PPFIA2: variants seen among roughly 807,000 people sequenced by gnomAD.
The protein encoded by PPFIA2 is liprin-alpha-2.
PPFIA2 carries 46 observed loss-of-function variants against 175.5 expected under a neutral mutation model. The observed-to-expected ratio is 0.26, with a 90% CI of 0.21 to 0.34. The LOEUF (loss-of-function observed/expected upper bound fraction) is 0.34. Ranked by LOEUF, PPFIA2 falls within the 10% of genes least tolerant of loss-of-function variation. The pLI, the probability that PPFIA2 is intolerant of heterozygous loss-of-function variation, is 1.00. For missense variants in PPFIA2, 1,179 were observed against 1,506.1 expected (o/e 0.78, Z 3.60); for synonymous variants, 568 against 511.4 (o/e 1.11, Z -1.49).
rs189061090 is a variant in PPFIA2 at position 81,674,082 on chromosome 12, C to T, written c.303+2709G>A. On this transcript the variant is annotated intron_variant, in intron 4 of 32. Transcript: ENST00000549396. ...ATATATGCCTTACCATTTGAAATAACAAACTTCACTCTTTTTTCTAATGCT... is the reference window on the plus strand; with the variant it reads ...ATATATGCCTTACCATTTGAAATAATAAACTTCACTCTTTTTTCTAATGCT... 1.7e-4 allele frequency among the ~76,000 whole-genome samples: 26 copies of T among 152,096 alleles called. No individual in the cohort carries two copies. The East Asian group carries it at 3.5e-3, about 20-fold the overall frequency.
chr12:81,659,513 G>A (rs920569314), intron 4 of PPFIA2, among the ~76,000 whole-genome samples: 9 of 152,050 alleles, frequency 5.9e-5, no homozygotes, highest in African/African-American at 7.2e-5. Flanking sequence ...GGAGAGGGGC[G>A]CCCGCCATTG....
intron 7 of PPFIA2, 135 bp downstream of exon 7, chr12:81,439,837 A>C (rs1169203926): frequency 2.6e-6 from 2 of 773,132 alleles, no homozygotes; most frequent in African/African-American, 3.7e-5. Context: ...AACTAATTTC[A>C]ACAAGCCTTG....
intron 3 of PPFIA2, among the ~76,000 whole-genome samples, chr12:81,740,179 T>G (rs1168524320): frequency 6.6e-6 from 1 of 152,162 alleles, no homozygotes; most frequent in Non-Finnish European, 1.5e-5. Flanking sequence ...TCAATAAATT[T>G]AATCATATTT....
chr12:81,366,764 G>A (rs73354672), intron 14 of PPFIA2, among the ~76,000 whole-genome samples: 4,532 of 151,614 alleles, frequency 0.03, 213 homozygotes, highest in African/African-American at 0.1. Flanking sequence ...ATAAATTAGC[G>A]CATATATTTT....
At position 81,728,381 on chromosome 12, in the gene PPFIA2, TC is replaced by T. The variant is rs557216278; in HGVS notation, c.249+25591del. Among the ~76,000 whole-genome samples the T allele has an allele frequency of 4.8e-4, 73 of 151,578 alleles. 1 individual carries two copies. The highest frequency in any genetic ancestry group is 6.8e-3 in the Middle Eastern group (2 of 294). ...CAATATAAACACAAAGTAAAAATCT[TC>T]CTTCCCCAAACATCTTTATGCTCAG... On this transcript the variant is annotated intron_variant, in intron 3 of 32. Transcript: ENST00000549396.
chr12:81,541,671 TA>T lies in PPFIA2; in HGVS notation c.304-83806del, dbSNP rs138086779. 4.9e-3 allele frequency among the ~76,000 whole-genome samples: 742 copies of T among 151,924 alleles called. 5 individuals are homozygous for T. The highest frequency in any genetic ancestry group is 7.5e-3 in the Non-Finnish European group (510 of 67,912). ...TAGACAAATTATGTCTTTAAAGCAA[TA>T]AAAAAAACCCTGCTAATAGTTCCTT... On this transcript the variant is annotated intron_variant, in intron 4 of 32. Coordinates refer to ENST00000549396, the MANE Select transcript of PPFIA2 (RefSeq NM_003625.5).
At chr12:81,731,538 T>C (rs908744320) in intron 3 of PPFIA2, among the ~76,000 whole-genome samples, 1 of 151,786 alleles carries the variant, frequency 6.6e-6, no homozygotes, top group Admixed American at 6.6e-5. Context: ...TGTGCTTATA[T>C]CTCACCATAA....
intron 4 of PPFIA2, among the ~76,000 whole-genome samples, chr12:81,637,966 C>T (rs1480607530): frequency 6.6e-6 from 1 of 152,100 alleles, no homozygotes; most frequent in East Asian, 1.9e-4. Context: ...TACTCCCTTT[C>T]CACGAGCTAT....
chr12:81,343,416 G>A (rs765151983), intron 19 of PPFIA2, among the ~76,000 whole-genome samples: 2 of 152,046 alleles, frequency 1.3e-5, no homozygotes, highest in Non-Finnish European at 2.9e-5. Context: ...AGAATGAACT[G>A]GTAGTGTTAA....
At chr12:81,716,440 T>C (rs1450015122) in intron 3 of PPFIA2, among the ~76,000 whole-genome samples, 2 of 151,586 alleles carry the variant, frequency 1.3e-5, no homozygotes, top group African/African-American at 4.8e-5. Flanking sequence ...AAACAGTCCA[T>C]AAAATTTGCA....
intron 14 of PPFIA2, among the ~76,000 whole-genome samples, chr12:81,363,581 T>A (rs1459736977): frequency 6.6e-6 from 1 of 151,802 alleles, no homozygotes; most frequent in East Asian, 1.9e-4. Flanking sequence ...TATTACTGTT[T>A]TTCCCCTTCC....
chr12:81,567,588 A>G lies in PPFIA2; in HGVS notation c.303+109203T>C, dbSNP rs1157577488. On this transcript the variant is annotated intron_variant, in intron 4 of 32. Coordinates refer to ENST00000549396, the MANE Select transcript of PPFIA2 (RefSeq NM_003625.5). ...CAGATTGAGTCCAATCACTTGGCCA[A>G]TGATTCACCTAATCATACCTGCATG... Among the ~76,000 whole-genome samples the G allele has an allele frequency of 3.9e-5, 6 of 152,184 alleles. No individual in the cohort carries two copies. The East Asian group carries it at 1.2e-3, about 29-fold the overall frequency.
intron 2 of PPFIA2, among the ~76,000 whole-genome samples, chr12:81,755,711 G>T (rs2084540050): frequency 2.0e-5 from 3 of 152,034 alleles, no homozygotes; most frequent in Non-Finnish European, 2.9e-5. Flanking sequence ...AATTAAGGGG[G>T]TCATTGAACA....
chr12:81,433,435 T>G (rs1226909888), intron 7 of PPFIA2, among the ~76,000 whole-genome samples: 1 of 152,244 alleles, frequency 6.6e-6, no homozygotes, highest in Non-Finnish European at 1.5e-5. Flanking sequence ...ACATGTTAGT[T>G]ATACGTGTAT....
intron 4 of PPFIA2, among the ~76,000 whole-genome samples, chr12:81,599,239 T>C (rs1319111631): frequency 6.6e-6 from 1 of 151,938 alleles, no homozygotes; most frequent in Non-Finnish European, 1.5e-5. Flanking sequence ...TAAGATGACA[T>C]AGTCATACAT....
intron 11 of PPFIA2, among the ~76,000 whole-genome samples, chr12:81,372,336 A>G (rs1166044171): frequency 1.3e-5 from 2 of 151,642 alleles, no homozygotes; most frequent in East Asian, 3.9e-4. Flanking sequence ...AAAAACGTAT[A>G]TTGGTGAAAT....
At chr12:81,490,419 G>A (rs2059303144) in intron 4 of PPFIA2, among the ~76,000 whole-genome samples, 1 of 151,856 alleles carries the variant, frequency 6.6e-6, no homozygotes, top group South Asian at 2.1e-4. Flanking sequence ...CCTTGGTAGT[G>A]TCTCTCACCA....
At chr12:81,327,909 T>C (rs1294785325) in intron 21 of PPFIA2, among the ~76,000 whole-genome samples, 2 of 152,144 alleles carry the variant, frequency 1.3e-5, no homozygotes, top group Non-Finnish European at 2.9e-5. Context: ...GTATCTTTTT[T>C]CAAAGCATTT....
chr12:81,538,685 G>T lies in PPFIA2; in HGVS notation c.304-80819C>A, dbSNP rs1226829717. On this transcript the variant is annotated intron_variant, in intron 4 of 32. Coordinates refer to ENST00000549396, the MANE Select transcript of PPFIA2 (RefSeq NM_003625.5). ...AAACAGCAAATACAAGGGCCCTCAG[G>T]TGTAATGTACTGTCTGTTTTGTGGA... 3.9e-5 allele frequency among the ~76,000 whole-genome samples: 6 copies of T among 151,934 alleles called. No individual in the cohort carries two copies. The South Asian group carries it at 1.0e-3, about 26-fold the overall frequency.
Sources: allele counts gnomAD v4.1 joint callset (sites outside exome capture counted in the v4.1 genomes callset), GRCh38; gene constraint gnomAD v4.1.1; transcripts MANE v1.5; gene names NCBI Gene and HGNC (gene_info 2026-07-23, HGNC 2026-07-21).